Variants in PSMA8 observed in about 807,000 individuals in gnomAD.
The protein encoded by PSMA8 is proteasome subunit alpha-type 8.
Under a neutral mutation model 32.4 loss-of-function variants are expected in PSMA8, and 18 were observed. The ratio of observed to expected loss-of-function variants is 0.56; its 90% CI spans 0.38 to 0.82. PSMA8 has a LOEUF of 0.82. Among genes scored for constraint, PSMA8 ranks in the 40% least tolerant of loss-of-function variants. The pLI is 0.00. For missense variants in PSMA8, 298 were observed against 300.7 expected, an observed-to-expected ratio of 0.99 and a Z score of 0.07; for synonymous variants, 104 against 98.1, an observed-to-expected ratio of 1.06 and a Z score of -0.36.
chr18:26,170,943 A>C, intron 4 of PSMA8: 4 of 1,557,294 alleles, frequency 2.6e-6, no homozygotes, highest in Non-Finnish European at 3.4e-6. Context: ...GCCACCAACT[A>C]TCCAGACCAT....
chr18:26,190,450 T>C (rs2055392734), intron 6 of PSMA8, among the ~76,000 whole-genome samples: 1 of 152,158 alleles, frequency 6.6e-6, no homozygotes, highest in African/African-American at 2.4e-5. Flanking sequence ...AAATAATTTT[T>C]TGAAAAGGCT....
chr18:26,144,553 T>G lies in PSMA8; in HGVS notation c.103-6T>G. The G allele has an allele frequency of 6.2e-7, 1 of 1,611,120 alleles. No individual in the cohort carries two copies. The highest frequency in any genetic ancestry group is 8.5e-7 in the Non-Finnish European group (1 of 1,177,504). ...TGAATATATATGTATTTTAATGACT[T>G]GACAGGTCGGAATTCGAGGTACCAA... On this transcript the variant is annotated splice_region_variant and splice_polypyrimidine_tract_variant and intron_variant, in intron 1 of 6. Transcript: ENST00000415576.
At chr18:26,190,708 C>T (rs976098771) in intron 6 of PSMA8, among the ~76,000 whole-genome samples, 34 of 152,164 alleles carry the variant, frequency 2.2e-4, no homozygotes, top group Admixed American at 1.3e-3. Flanking sequence ...GTGATCATGC[C>T]GCTGTGCTTC....
In PSMA8 at chr18:26,186,152, G is replaced by A. The variant is rs575112615; in HGVS notation, c.661-6167G>A. Among the ~76,000 whole-genome samples the A allele has an allele frequency of 2.0e-5, 3 of 150,200 alleles. No individual in the cohort carries two copies. The East Asian group carries it at 5.9e-4, about 30-fold the overall frequency. ...TAGTCCCAGCTACTTGGGAGGCTGA[G>A]GCAGGAGAATCACTTGAACCTGGGA... On this transcript the variant is annotated intron_variant, in intron 6 of 6. Transcript: ENST00000415576.
chr18:26,177,693 G>A (rs866273572), intron 4 of PSMA8, among the ~76,000 whole-genome samples: 1 of 152,126 alleles, frequency 6.6e-6, no homozygotes, highest in South Asian at 2.1e-4. Flanking sequence ...AAGAGGAAAG[G>A]AATAGAAGCC....
intron 4 of PSMA8, among the ~76,000 whole-genome samples, chr18:26,171,476 G>A (rs777908727): frequency 2.0e-5 from 3 of 152,240 alleles, no homozygotes; most frequent in Admixed American, 6.5e-5. Flanking sequence ...GCTCACGCCT[G>A]TAATCCCAGC....
At chr18:26,144,756 T>C (rs1568055123) in intron 2 of PSMA8, 71 bp downstream of exon 2, 2 of 1,402,372 alleles carry the variant, frequency 1.4e-6, no homozygotes, top group African/African-American at 1.4e-5. Flanking sequence ...ACCTCAGTGC[T>C]GCAGTTGTGC....
chr18:26,140,770 T>G (rs2054949055), intron 1 of PSMA8, among the ~76,000 whole-genome samples: 1 of 152,206 alleles, frequency 6.6e-6, no homozygotes, highest in Non-Finnish European at 1.5e-5. Flanking sequence ...ATAGAATAAT[T>G]TAAATAGCAC....
chr18:26,162,726 C>T (rs190463712), intron 4 of PSMA8, among the ~76,000 whole-genome samples: 20 of 151,978 alleles, frequency 1.3e-4, no homozygotes, highest in Admixed American at 2.6e-4. Flanking sequence ...ATTAGCCAGG[C>T]GCAGTGGCAG....
chr18:26,150,006 G>T (rs1385644275), intron 2 of PSMA8, among the ~76,000 whole-genome samples: 2 of 152,164 alleles, frequency 1.3e-5, no homozygotes, highest in Non-Finnish European at 2.9e-5. Context: ...TTGTGGTACA[G>T]GTTGAACACA....
At chr18:26,157,991 A>G (rs1408046831) in intron 3 of PSMA8, 131 bp from the exon 4 acceptor site, 3 of 629,484 alleles carry the variant, frequency 4.8e-6, no homozygotes, top group Non-Finnish European at 7.9e-6. Flanking sequence ...AGAAAGGGTT[A>G]GGAAAAAGAT....
At position 26,178,867 on chromosome 18, in the gene PSMA8, A is replaced by G; in HGVS notation, c.515A>G (p.Glu172Gly). 6.2e-7 allele frequency: 1 copy of G among 1,613,784 alleles called. No individual in the cohort carries two copies. Among genetic ancestry groups the G allele is most frequent in the Non-Finnish European group, 8.5e-7 (1 of 1,179,798 alleles). Residue 172 changes from glutamate (E) to glycine (G), a missense_variant, in exon 5 of 7, where the codon GAA becomes GGA. Glu to Gly is a moderately conservative substitution (Grantham distance 98). Coordinates refer to ENST00000415576, the MANE Select transcript of PSMA8 (RefSeq NM_001025096.2). ...AIGRSAKTVREFLEKNYTEDA... is the reference protein window; with the variant it reads ...AIGRSAKTVRGFLEKNYTEDA... ...GGCCGAAGTGCTAAAACTGTTCGAG[A>G]ATTTCTAGAAAAGAATTACACAGAA...
intron 1 of PSMA8, among the ~76,000 whole-genome samples, chr18:26,138,132 G>A (rs558383583): frequency 6.6e-6 from 1 of 152,316 alleles, no homozygotes; most frequent in Admixed American, 6.5e-5. Context: ...GAGAGACCTT[G>A]AAGTGTTTTG....
At chr18:26,146,392 C>T (rs1028847209) in intron 2 of PSMA8, among the ~76,000 whole-genome samples, 2 of 152,058 alleles carry the variant, frequency 1.3e-5, no homozygotes, top group Non-Finnish European at 2.9e-5. Context: ...AAACCTCATT[C>T]AGAAAAACAA....
intron 3 of PSMA8, among the ~76,000 whole-genome samples, chr18:26,152,904 C>G (rs988362885): frequency 1.3e-5 from 2 of 152,204 alleles, no homozygotes; most frequent in Non-Finnish European, 2.9e-5. Context: ...AAAGCCCTGG[C>G]TAGATGTAGC....
At chr18:26,179,245 A>G in intron 6 of PSMA8, 115 bp downstream of exon 6, 2 of 679,372 alleles carry the variant, frequency 2.9e-6, no homozygotes, top group Non-Finnish European at 4.9e-6. Context: ...TTAATGTCAA[A>G]TAACCTCCAC....
At chr18:26,154,551 T>A (rs2055071509) in intron 3 of PSMA8, among the ~76,000 whole-genome samples, 1 of 152,068 alleles carries the variant, frequency 6.6e-6, no homozygotes, top group Non-Finnish European at 1.5e-5. Context: ...GGCCTGGGGC[T>A]CTCCGGCAGA....
At chr18:26,135,877 A>C (rs1234988814) in intron 1 of PSMA8, among the ~76,000 whole-genome samples, 1 of 152,230 alleles carries the variant, frequency 6.6e-6, no homozygotes, top group Non-Finnish European at 1.5e-5. Flanking sequence ...CTTTTGTCTC[A>C]GAATTCTGAA....
chr18:26,181,362 C>T (rs931438165), intron 6 of PSMA8, among the ~76,000 whole-genome samples: 2 of 152,200 alleles, frequency 1.3e-5, no homozygotes, highest in Non-Finnish European at 2.9e-5. Context: ...GACTGCTCCA[C>T]TGACCAGCTA....
Sources: allele counts gnomAD v4.1 joint callset (sites outside exome capture counted in the v4.1 genomes callset), GRCh38; gene constraint gnomAD v4.1.1; transcripts MANE v1.5; gene names NCBI Gene and HGNC (gene_info 2026-07-23, HGNC 2026-07-21).